The following ALG6 variants were observed in gnomAD, a reference collection of about 807,000 sequenced individuals.
ALG6 encodes ALG6 alpha-1,3-glucosyltransferase.
ALG6 carries 46 observed loss-of-function variants against 66.6 expected under a neutral mutation model. The observed-to-expected ratio is 0.69, with a 90% confidence interval of 0.55 to 0.88. The LOEUF is 0.88. ALG6 is among the 40% of genes least tolerant of loss of function. ALG6 has a pLI of 0.00. For synonymous variants in ALG6, 185 were observed against 203.7 expected (o/e 0.91, Z 0.78); for missense variants, 505 against 586.8 (o/e 0.86, Z 1.44).
chr1:63,387,772 C>A (rs1340830251), intron 2 of ALG6, among the ~76,000 whole-genome samples: 3 of 151,820 alleles, frequency 2.0e-5, no homozygotes, highest in Admixed American at 6.6e-5. Flanking sequence ...GAACTCCTGA[C>A]CTCAGGCAAT....
chr1:63,411,990 T>C lies in ALG6; in HGVS notation c.745T>C (p.Phe249Leu). 6.2e-7 allele frequency: 1 copy of C among 1,614,156 alleles called. No homozygotes were observed. Among genetic ancestry groups the C allele is most frequent in the Non-Finnish European group, 8.5e-7 (1 of 1,179,996 alleles). The change falls in exon 9 of 15, where the codon TTC (phenylalanine) becomes CTC (leucine). Residue 249 changes from phenylalanine (F) to leucine (L), a missense_variant. By Grantham distance (22) the Phe-to-Leu change is conservative. Transcript: ENST00000263440. ...VASFVLCWLP[F>L]FTEREQTLQV... ...TTCCTTCGTTCTCTGCTGGCTGCCA[T>C]TCTTTACAGAAAGGGAACAAACCCT...
At chr1:63,380,628 G>T (rs951166606) in intron 2 of ALG6, among the ~76,000 whole-genome samples, 1 of 152,140 alleles carries the variant, frequency 6.6e-6, no homozygotes, top group Non-Finnish European at 1.5e-5. Context: ...TAAAATCAGA[G>T]TATAGGATAA....
chr1:63,400,209 ATATATATATATACGTAT>A (rs1644440959), intron 3 of ALG6, among the ~76,000 whole-genome samples: 1 of 27,528 alleles, frequency 3.6e-5, no homozygotes, highest in Non-Finnish European at 5.3e-5. Context: ...AAAAAAAAAT[ATATATATATATACGTAT>A]ATATATATAT....
intron 10 of ALG6, 139 bp downstream of exon 10, chr1:63,414,285 T>C: frequency 1.6e-6 from 1 of 622,866 alleles, no homozygotes; most frequent in Non-Finnish European, 2.7e-6. Flanking sequence ...AGAGTCTGGC[T>C]CTGTCACCCA....
chr1:63,429,209 AC>A, intron 14 of ALG6, 83 bp downstream of exon 14: 2 of 1,026,312 alleles, frequency 1.9e-6, no homozygotes, highest in Non-Finnish European at 2.9e-6. Context: ...TTTCTTTTAT[AC>A]CTTTTTGAGA....
intron 12 of ALG6, among the ~76,000 whole-genome samples, chr1:63,422,352 T>A: frequency 1.0e-5 from 1 of 98,996 alleles, no homozygotes; most frequent in East Asian, 2.5e-4. Context: ...TAAATATATA[T>A]CTATATAAAT....
Position 63,428,936 on chromosome 1 carries a change from C to G in ALG6, c.1136C>G (p.Pro379Arg), listed in dbSNP as rs766569875. The G allele has an allele frequency of 1.2e-6, 2 of 1,613,100 alleles. No homozygotes were observed. The highest frequency in any genetic ancestry group is 1.7e-6 in the Non-Finnish European group (2 of 1,179,528). Reference sequence around the variant, plus strand: ...AAAATTTTCCTTTACAGTATGCTACCTCTTCTATTGAAGGATGAACTCCTA... The same window carrying G: ...AAAATTTTCCTTTACAGTATGCTACGTCTTCTATTGAAGGATGAACTCCTA... ...FLLVSTFSML[P>R]LLLKDELLMP... Residue 379 changes from proline (P) to arginine (R), a missense_variant, in exon 14 of 15, where the codon CCT becomes CGT. By Grantham distance (103) the Pro-to-Arg change is moderately radical. Coordinates refer to ENST00000263440, the MANE Select transcript of ALG6 (RefSeq NM_013339.4).
chr1:63,396,525 C>A lies in ALG6; in HGVS notation c.95C>A (p.Pro32Gln). 11 of 1,613,794 alleles carry A rather than the reference C, an allele frequency of 6.8e-6. No homozygotes were observed. The highest frequency in any genetic ancestry group is 9.3e-6 in the Non-Finnish European group (11 of 1,179,886). The change falls in exon 3 of 15, where the codon CCG (proline) becomes CAG (glutamine). Residue 32 changes from proline (P) to glutamine (Q), a missense_variant. By Grantham distance (76) the Pro-to-Gln change is moderately conservative (BLOSUM62 -1). Transcript: ENST00000263440. ...CCTTTGATCTTAGGTGCTGGTAAAC[C>A]GCCTATGTTTGGTGATTATGAAGCT... ...SLNSYSGAGK[P>Q]PMFGDYEAQR...
intron 7 of ALG6, 138 bp downstream of exon 7, chr1:63,407,264 A>G: frequency 1.5e-6 from 1 of 651,634 alleles, no homozygotes; most frequent in Non-Finnish European, 2.7e-6. Flanking sequence ...AATATAAAAG[A>G]ATCTCTTCAC....
At chr1:63,420,200 G>A (rs11208208) in intron 12 of ALG6, among the ~76,000 whole-genome samples, 1 of 151,938 alleles carries the variant, frequency 6.6e-6, no homozygotes, top group Non-Finnish European at 1.5e-5. Flanking sequence ...TGTGTGGAAG[G>A]CTTCTTGGCT....
intron 10 of ALG6, 59 bp downstream of exon 10, chr1:63,414,205 GTAT>G: frequency 8.0e-7 from 1 of 1,247,914 alleles, no homozygotes; most frequent in South Asian, 1.2e-5. Flanking sequence ...AAGCATTATG[GTAT>G]TATTTCATTT....
rs760400946 is a variant in ALG6, at chr1:63,415,926, A to G, written c.956A>G (p.Gln319Arg). Reference sequence around the variant, plus strand: ...CCTGCATGCATAAAATTAATACTTCAGCCCTCTTCCAAAGGATTCAAATTT... The same window carrying G: ...CCTGCATGCATAAAATTAATACTTCGGCCCTCTTCCAAAGGATTCAAATTT... ...LLPACIKLIL[Q>R]PSSKGFKFTL... Residue 319 changes from glutamine (Q) to arginine (R), a missense_variant, in exon 11 of 15, where the codon CAG becomes CGG. By Grantham distance (43) the Gln-to-Arg change is conservative. Coordinates refer to ENST00000263440, the MANE Select transcript of ALG6 (RefSeq NM_013339.4). The G allele has an allele frequency of 1.9e-6, 3 of 1,612,148 alleles. No homozygotes were observed. The African/African-American group carries it at 4.0e-5, about 22-fold the overall frequency.
chr1:63,400,215 ATATATACG>A (rs1472869927), intron 3 of ALG6, among the ~76,000 whole-genome samples: 375 of 26,582 alleles, frequency 0.014, 92 homozygotes, highest in African/African-American at 0.1. Context: ...AAATATATAT[ATATATACG>A]TATATATATA....
At chr1:63,400,222 C>CATATATATATATAT (rs1557587305) in intron 3 of ALG6, among the ~76,000 whole-genome samples, 1 of 12,246 alleles carries the variant, frequency 8.2e-5, no homozygotes, top group Non-Finnish European at 1.1e-4. Context: ...TATATATATA[C>CATATATATATATAT]GTATATATAT....
intron 12 of ALG6, among the ~76,000 whole-genome samples, chr1:63,419,665 T>A (rs895967403): frequency 6.6e-6 from 1 of 152,210 alleles, no homozygotes; most frequent in African/African-American, 2.4e-5. Context: ...AGTAATTTCT[T>A]CCTGTTCCTT....
chr1:63,410,998 A>G, intron 7 of ALG6, 148 bp from the exon 8 acceptor site: 2 of 732,952 alleles, frequency 2.7e-6, no homozygotes, highest in Non-Finnish European at 2.2e-6. Flanking sequence ...ATTGGGAAAT[A>G]GCTTTCATTG....
chr1:63,414,000 C>T, intron 9 of ALG6, 61 bp from the exon 10 acceptor site: 2 of 1,308,728 alleles, frequency 1.5e-6, no homozygotes, highest in East Asian at 2.3e-5. Context: ...GGCTGTACTT[C>T]ATGGGTTTTA....
Position 63,370,837 on chromosome 1 carries a change from A to G in ALG6, c.-141A>G, listed in dbSNP as rs1054104046. The G allele has an allele frequency of 3.0e-5, 21 of 702,420 alleles. No individual in the cohort carries two copies. The highest frequency in any genetic ancestry group is 5.2e-5 in the Non-Finnish European group (20 of 384,890). 43.5% of individuals were successfully genotyped at this position (702,420 alleles called of 1,614,324 possible). A position where few individuals can be genotyped will look rare whatever the true frequency, so the allele number is the denominator to read the frequency against. On this transcript the variant is annotated 5_prime_UTR_variant, in exon 2 of 15. Coordinates refer to ENST00000263440, the MANE Select transcript of ALG6 (RefSeq NM_013339.4). ...AACCAAGCATCATTAAAATTCTCTC[A>G]AACTCCTAATTGCGAAGAATCGATA...
chr1:63,424,019 G>A (rs1183146022), intron 12 of ALG6, among the ~76,000 whole-genome samples: 4 of 152,200 alleles, frequency 2.6e-5, no homozygotes, highest in Non-Finnish European at 4.4e-5. Context: ...TAGTGGATAT[G>A]AGTGGTATCT....
Sources: gnomAD v4.1 joint callset for allele counts (sites outside exome capture counted in the v4.1 genomes callset) on GRCh38, gnomAD v4.1.1 for gene constraint, MANE v1.5 for transcripts, NCBI Gene and HGNC (gene_info 2026-07-23, HGNC 2026-07-21) for gene names.